The following AACS variants were observed in gnomAD, a reference collection of about 807,000 sequenced individuals.
AACS encodes acetoacetyl-CoA synthetase, also known as acetoacetate-CoA ligase.
A neutral mutation model predicts 83.1 loss-of-function variants in AACS; 69 were observed. That is an observed-to-expected ratio of 0.83 (90% CI 0.68 to 1.01). AACS has a LOEUF of 1.01. Ranked by LOEUF, AACS falls within the 50% of genes least tolerant of loss-of-function variation. AACS has a pLI of 0.00. For missense variants in AACS, 866 were observed against 882.2 expected, an observed-to-expected ratio of 0.98 and a Z score of 0.23; for synonymous variants, 333 against 343.4, an observed-to-expected ratio of 0.97 and a Z score of 0.33.
chr12:125,077,698 A>G (rs1368841286), intron 3 of AACS, among the ~76,000 whole-genome samples: 2 of 151,974 alleles, frequency 1.3e-5, no homozygotes, highest in Admixed American at 6.6e-5. Context: ...AAATGCCAAA[A>G]TGAGTCTCCA....
At chr12:125,125,199 G>A (rs1274009610) in intron 12 of AACS, among the ~76,000 whole-genome samples, 175 bp downstream of exon 12, 1 of 152,188 alleles carries the variant, frequency 6.6e-6, no homozygotes, top group Non-Finnish European at 1.5e-5. Context: ...TGTGAACACG[G>A]AACCCATACG....
chr12:125,086,239 TG>T, intron 3 of AACS, 90 bp from the exon 4 acceptor site: 1 of 1,107,288 alleles, frequency 9.0e-7, no homozygotes, highest in Non-Finnish European at 1.3e-6. Context: ...TAACCTGCAT[TG>T]AAACAGGTGG....
rs997926690 is a variant in AACS, at chr12:125,097,770, G to A, written c.571-4909G>A. On this transcript the variant is annotated intron_variant, in intron 5 of 17. Transcript: ENST00000316519. This position sits in a 1 kb window ranked among gnomAD's most constrained non-coding sequence, Gnocchi z 4.3. ...AGAGGAGCTCACAAGTCCCCAGGGGGAGCCCCATCTCAGTAACCCCCGCCA... is the reference window on the plus strand; with the variant it reads ...AGAGGAGCTCACAAGTCCCCAGGGGAAGCCCCATCTCAGTAACCCCCGCCA... Among the ~76,000 whole-genome samples, 2 of 152,126 alleles carry A rather than the reference G, an allele frequency of 1.3e-5. No homozygotes were observed. Among genetic ancestry groups the A allele is most frequent in the African/African-American group, 4.8e-5 (2 of 41,422 alleles).
At chr12:125,074,002 TATC>T (rs764266727) in intron 2 of AACS, 23 bp downstream of exon 2, 1 of 1,566,360 alleles carries the variant, frequency 6.4e-7, no homozygotes, top group Non-Finnish European at 8.8e-7. Context: ...TTTCCGTGGA[TATC>T]ATCTCTTTTT....
intron 3 of AACS, among the ~76,000 whole-genome samples, chr12:125,086,033 C>T (rs1956331443): frequency 1.3e-5 from 2 of 152,184 alleles, no homozygotes; most frequent in Admixed American, 6.5e-5. Flanking sequence ...TCAAGCAGTC[C>T]TCCCACCTCA....
intron 14 of AACS, among the ~76,000 whole-genome samples, chr12:125,131,985 C>T (rs555239003): frequency 1.3e-5 from 2 of 152,238 alleles, no homozygotes; most frequent in Non-Finnish European, 2.9e-5. Context: ...ACATTCCAAA[C>T]AGGCCTGGTC....
rs1427495130 is a variant in AACS, at chr12:125,097,216, T to TAG, written c.571-5462_571-5461dup. 6.6e-6 allele frequency among the ~76,000 whole-genome samples: 1 copy of TAG among 151,972 alleles called. No individual in the cohort carries two copies. Among genetic ancestry groups the TAG allele is most frequent in the African/African-American group, 2.4e-5 (1 of 41,406 alleles). On this transcript the variant is annotated intron_variant, in intron 5 of 17. Transcript: ENST00000316519. The surrounding 1 kb of genome is among the most constrained non-coding windows in gnomAD (Gnocchi z 4.3). ...GGGGCTTTCTGCAACCACCTCTGTG[T>TAG]AGCAGTTTAGAGCAGAAGAAGAAGT... is the stretch of plus-strand genomic sequence containing the variant.
rs773018450 is a variant in AACS at position 125,134,015 on chromosome 12, A to G, written c.1562A>G (p.His521Arg). 4 of 1,614,170 alleles carry G rather than the reference A, an allele frequency of 2.5e-6. No individual in the cohort carries two copies. In the South Asian group the frequency reaches 3.3e-5, roughly 13 times the overall value. Residue 521 changes from histidine to arginine, a missense_variant, in exon 15 of 18, where the codon CAT becomes CGT. Coordinates refer to ENST00000316519, the MANE Select transcript of AACS (RefSeq NM_023928.5). Reference sequence around the variant, plus strand: ...GCTGTCTTTGCAGGTATCTGGGCTCATGGCGACTACTGCAGAATCAACCCC... The same window carrying G: ...GCTGTCTTTGCAGGTATCTGGGCTCGTGGCGACTACTGCAGAATCAACCCC... ...YFSKFPGIWAHGDYCRINPKT... is the reference protein window; with the variant it reads ...YFSKFPGIWARGDYCRINPKT...
chr12:125,066,314 C>T (rs991150595), intron 1 of AACS, among the ~76,000 whole-genome samples: 2 of 151,958 alleles, frequency 1.3e-5, no homozygotes, highest in Non-Finnish European at 2.9e-5. Context: ...TCAGAAACTG[C>T]CTCTCTCGGT....
intron 12 of AACS, chr12:125,126,847 T>C (rs1957252229): frequency 1.3e-5 from 2 of 152,124 alleles, no homozygotes; most frequent in South Asian, 4.1e-4. Context: ...CCTCCCAAAA[T>C]GATGGGATTA....
intron 4 of AACS, among the ~76,000 whole-genome samples, chr12:125,089,866 C>A (rs1299191142): frequency 1.1e-5 from 1 of 87,778 alleles, no homozygotes; most frequent in African/African-American, 4.3e-5. Context: ...TCCATCCATC[C>A]TGTCTATACA....
intron 8 of AACS, among the ~76,000 whole-genome samples, chr12:125,110,006 G>A (rs1277543764): frequency 6.7e-6 from 1 of 149,578 alleles, no homozygotes; most frequent in African/African-American, 2.5e-5. Flanking sequence ...GAAATGCCTG[G>A]GTCAATGTGG....
chr12:125,107,038 G>A (rs1956848516), intron 7 of AACS, 83 bp from the exon 8 acceptor site: 5 of 1,576,744 alleles, frequency 3.2e-6, no homozygotes, highest in Admixed American at 1.7e-5. Flanking sequence ...TAGAAACAGA[G>A]GGAAGTGCAC....
At chr12:125,084,170 A>G (rs1043977524) in intron 3 of AACS, among the ~76,000 whole-genome samples, 5 of 151,816 alleles carry the variant, frequency 3.3e-5, no homozygotes, top group Non-Finnish European at 5.9e-5. Context: ...TCTACTAAAA[A>G]TACAAAAATT....
chr12:125,096,909 G>A (rs1008442655), intron 5 of AACS, among the ~76,000 whole-genome samples: 2 of 152,042 alleles, frequency 1.3e-5, no homozygotes, highest in Non-Finnish European at 2.9e-5. Flanking sequence ...GGTCTAGGGG[G>A]TGAAGACTTC....
In AACS at chr12:125,141,993, C is replaced by A. The variant is rs933783225; in HGVS notation, c.1882-99C>A. The A allele has an allele frequency of 1.1e-5, 16 of 1,494,074 alleles. No individual in the cohort carries two copies. In the African/African-American group the frequency reaches 2.2e-4, roughly 21 times the overall value. The allele number at this position is 1,494,074 out of a possible 1,614,324, so 92.6% of individuals were successfully genotyped here. On this transcript the variant is annotated intron_variant, in intron 17 of 17. Coordinates refer to ENST00000316519, the MANE Select transcript of AACS (RefSeq NM_023928.5). ...CGAGACCCATTCACTCTTGGCACTC[C>A]AGGTGGAGCTGGGCCTTTGGGGCCT...
At chr12:125,118,806 G>A (rs754151517) in intron 10 of AACS, 41 bp downstream of exon 10, 1 of 1,607,512 alleles carries the variant, frequency 6.2e-7, no homozygotes, top group Non-Finnish European at 8.5e-7. Context: ...GGGACAGGCA[G>A]CACCAGGAAG....
In AACS at chr12:125,107,275, C is replaced by T; in HGVS notation, c.915+7C>T. On this transcript the variant is annotated splice_region_variant and intron_variant, in intron 8 of 17. Transcript: ENST00000316519. Reference sequence around the variant, plus strand: ...CATGGTGCATTCCGCTGGGGTAGGTCTCTGGGGAAGGCTCTGCAGGGCCTC... The same window carrying T: ...CATGGTGCATTCCGCTGGGGTAGGTTTCTGGGGAAGGCTCTGCAGGGCCTC... 1 of 1,612,984 alleles carries T rather than the reference C, an allele frequency of 6.2e-7. No individual in the cohort carries two copies. Among genetic ancestry groups the T allele is most frequent in the African/African-American group, 1.3e-5 (1 of 75,048 alleles).
Position 125,129,080 on chromosome 12 carries a change from A to C in AACS, c.1424-255A>C. ...CAAGGATGCGTGTGGATGGAGCAGA[A>C]ATGTTAACACACATGGGAATAACAA... On this transcript the variant is annotated intron_variant, in intron 13 of 17. Transcript: ENST00000316519. The surrounding 1 kb of genome is among the most constrained non-coding windows in gnomAD (Gnocchi z 4.3). 1 of 362,830 alleles carries C rather than the reference A, an allele frequency of 2.8e-6. No individual in the cohort carries two copies. Among genetic ancestry groups the C allele is most frequent in the Non-Finnish European group, 5.0e-6 (1 of 200,586 alleles). The allele number at this position is 362,830 out of a possible 1,614,324, so 22.5% of individuals were successfully genotyped here.
Sources: gnomAD v4.1 joint callset for allele counts (sites outside exome capture counted in the v4.1 genomes callset) on GRCh38, gnomAD v4.1.1 for gene constraint, Gnocchi (gnomAD v3.1) non-coding constraint, MANE v1.5 for transcripts, NCBI Gene and HGNC (gene_info 2026-07-23, HGNC 2026-07-21) for gene names.